KCTD21: variants seen among roughly 807,000 people sequenced by gnomAD.
KCTD21 encodes the protein potassium channel tetramerization domain containing 21, also known as BTB/POZ domain-containing protein KCTD21.
KCTD21 carries 9 observed loss-of-function variants against 13.2 expected under a neutral mutation model. The ratio of observed to expected loss-of-function variants is 0.68; its 90% CI spans 0.41 to 1.19. The LOEUF (loss-of-function observed/expected upper bound fraction) is 1.19, where lower values mean the gene tolerates loss of function less well. Ranked by LOEUF, KCTD21 falls within the 50% of genes most tolerant of loss-of-function variation. The probability of loss-of-function intolerance (pLI) is 0.01; values close to 1 mark genes in which losing one functional copy is unlikely to be tolerated. For synonymous variants in KCTD21, 142 were observed against 137.4 expected (o/e 1.03, Z -0.23); for missense variants, 303 against 336.5 (o/e 0.90, Z 0.78).
rs1590872591 is a variant in KCTD21, at chr11:78,174,277, A to G, written c.278T>C (p.Ile93Thr). 1.2e-6 allele frequency: 2 copies of G among 1,613,922 alleles called. No individual in the cohort carries two copies. Among genetic ancestry groups the G allele is most frequent in the African/African-American group, 1.3e-5 (1 of 74,906 alleles). The change falls in exon 2 of 2, where the codon ATT becomes ACT. Residue 93 changes from isoleucine to threonine, a missense_variant. Ile to Thr is a moderately conservative substitution (Grantham distance 89, BLOSUM62 -1). Coordinates refer to ENST00000340067, the MANE Select transcript of KCTD21 (RefSeq NM_001029859.3). ...EADFYQVQPL[I>T]EALQEKEVEL... Reference sequence around the variant, plus strand: ...CACTTCCTTCTCCTGCAGGGCCTCAATCAGGGGCTGCACCTGGTAGAAGTC... The same window carrying G: ...CACTTCCTTCTCCTGCAGGGCCTCAGTCAGGGGCTGCACCTGGTAGAAGTC...
intron 1 of KCTD21, among the ~76,000 whole-genome samples, chr11:78,185,120 G>A (rs143804965): frequency 2.5e-4 from 38 of 152,208 alleles, no homozygotes; most frequent in East Asian, 9.6e-4. Flanking sequence ...GTAGTAGAAC[G>A]CCCTTATTAG....
chr11:78,188,033 C>T (rs1862848959), intron 1 of KCTD21: 14 of 985,314 alleles, frequency 1.4e-5, no homozygotes, highest in Non-Finnish European at 1.2e-5. Flanking sequence ...TCTTTATTTC[C>T]AGTCAGTAAA....
chr11:78,174,128 C>T lies in KCTD21; in HGVS notation c.427G>A (p.Val143Ile). The change falls in exon 2 of 2, where the codon GTC (valine) becomes ATC (isoleucine). Residue 143 changes from valine (V) to isoleucine (I), a missense_variant. By Grantham distance (29) the Val-to-Ile change is conservative. Coordinates refer to ENST00000340067, the MANE Select transcript of KCTD21 (RefSeq NM_001029859.3). ...IYSLSSSSME[V>I]FNANIFSTSC... The stretch of plus-strand genomic sequence containing the variant: ...GTGCTGAAGATGTTGGCGTTGAAGA[C>T]CTCCATGCTGGAAGAGGAGAGGCTG... 1 of 1,614,154 alleles carries T rather than the reference C, an allele frequency of 6.2e-7. No individual in the cohort carries two copies. The highest frequency in any genetic ancestry group is 2.2e-5 in the East Asian group (1 of 44,878).
At position 78,181,551 on chromosome 11, in the gene KCTD21, T is replaced by C. The variant is rs545972110; in HGVS notation, c.-29-6968A>G. 1.4e-4 allele frequency among the ~76,000 whole-genome samples: 22 copies of C among 152,324 alleles called. No individual in the cohort carries two copies. In the South Asian group the frequency reaches 3.5e-3, roughly 24 times the overall value. ...AAACACAAGGCATATTTTGGAGTGA[T>C]GGGAATATTCTATTAGGTTGGCACA... On this transcript the variant is annotated intron_variant, in intron 1 of 1. Coordinates refer to ENST00000340067, the MANE Select transcript of KCTD21 (RefSeq NM_001029859.3).
At chr11:78,186,560 A>G in intron 1 of KCTD21, 1 of 366,516 alleles carries the variant, frequency 2.7e-6, no homozygotes, top group Non-Finnish European at 3.8e-6. Flanking sequence ...AACAACAACA[A>G]ACACTACAAC....
intron 1 of KCTD21, among the ~76,000 whole-genome samples, chr11:78,180,958 TCTC>T (rs774219386): frequency 6.6e-6 from 1 of 152,122 alleles, no homozygotes; most frequent in Non-Finnish European, 1.5e-5. Context: ...GCTTGGCACT[TCTC>T]CTTGCTGCTG....
intron 1 of KCTD21, among the ~76,000 whole-genome samples, chr11:78,186,104 C>A (rs1441798692): frequency 6.6e-6 from 1 of 151,648 alleles, no homozygotes. Flanking sequence ...AGGCCAGGCT[C>A]AGTGGCTCAT....
chr11:78,179,779 G>C (rs1241386434), intron 1 of KCTD21, among the ~76,000 whole-genome samples: 1 of 151,798 alleles, frequency 6.6e-6, no homozygotes, highest in African/African-American at 2.4e-5. Flanking sequence ...GACCACCCCT[G>C]TCTACCTTCT....
intron 1 of KCTD21, chr11:78,186,549 T>C (rs1468180383): frequency 3.2e-6 from 1 of 316,042 alleles, no homozygotes; most frequent in Non-Finnish European, 4.6e-6. Flanking sequence ...ATGATGATCA[T>C]AACAACAACA....
chr11:78,185,652 C>T (rs776938371), intron 1 of KCTD21, among the ~76,000 whole-genome samples: 4 of 151,942 alleles, frequency 2.6e-5, no homozygotes, highest in East Asian at 1.9e-4. Flanking sequence ...AGTGCAGTGG[C>T]GTGATCCTGG....
chr11:78,180,837 G>T (rs1462509756), intron 1 of KCTD21, among the ~76,000 whole-genome samples: 1 of 152,198 alleles, frequency 6.6e-6, no homozygotes, highest in Non-Finnish European at 1.5e-5. Flanking sequence ...CATGTGTCAA[G>T]GGCAGGACTA....
Position 78,179,785 on chromosome 11 carries a change from C to T in KCTD21, c.-29-5202G>A, listed in dbSNP as rs977843225. 6.6e-5 allele frequency among the ~76,000 whole-genome samples: 10 copies of T among 152,280 alleles called. No individual in the cohort carries two copies. The East Asian group carries it at 1.5e-3, about 24-fold the overall frequency. On this transcript the variant is annotated intron_variant, in intron 1 of 1. Coordinates refer to ENST00000340067, the MANE Select transcript of KCTD21 (RefSeq NM_001029859.3). Reference sequence around the variant, plus strand: ...CTGTCCCTAGACCACCCCTGTCTACCTTCTCTACCCTCTCTGCTGTCTACC... The same window carrying T: ...CTGTCCCTAGACCACCCCTGTCTACTTTCTCTACCCTCTCTGCTGTCTACC...
rs11344762 is a variant in KCTD21, at chr11:78,182,297, ACC to A, written c.-30+6274_-30+6275del. Among the ~76,000 whole-genome samples, 162 of 130,448 alleles carry A rather than the reference ACC, an allele frequency of 1.2e-3. 1 individual carries two copies. Among genetic ancestry groups the A allele is most frequent in the Middle Eastern group, 0.012 (3 of 254 alleles). 85.6% of individuals were successfully genotyped at this position (130,448 alleles called of 152,430 possible). On this transcript the variant is annotated intron_variant, in intron 1 of 1. Transcript: ENST00000340067. ...ACAGAGCCAGGCCTTATCCCAAAGC[ACC>A]CCCCCCCCCTCAAAATTAATTATAG...
chr11:78,186,152 G>A (rs2137008151), intron 1 of KCTD21, among the ~76,000 whole-genome samples: 1 of 151,464 alleles, frequency 6.6e-6, no homozygotes, highest in African/African-American at 2.4e-5. Flanking sequence ...CAGGTGGGAG[G>A]ATCGCTTGAG....
At chr11:78,187,302 G>A in intron 1 of KCTD21, 1 of 985,266 alleles carries the variant, frequency 1.0e-6, no homozygotes, top group Non-Finnish European at 1.2e-6. Context: ...AAAGAGCTGC[G>A]TCTATAATTC....
At chr11:78,180,797 C>CTT (rs781664921) in intron 1 of KCTD21, among the ~76,000 whole-genome samples, 59 of 152,218 alleles carry the variant, frequency 3.9e-4, no homozygotes, top group South Asian at 1.2e-3. Context: ...GTGTCCCCAC[C>CTT]CAAATCTCAC....
intron 1 of KCTD21, among the ~76,000 whole-genome samples, chr11:78,175,840 G>A (rs919144923): frequency 4.0e-5 from 6 of 151,872 alleles, no homozygotes; most frequent in African/African-American, 9.7e-5. Context: ...CCATTAACTC[G>A]TCATTTAGCA....
chr11:78,184,385 G>A (rs1590883618), intron 1 of KCTD21, among the ~76,000 whole-genome samples: 1 of 152,288 alleles, frequency 6.6e-6, no homozygotes, highest in African/African-American at 2.4e-5. Flanking sequence ...TGCCCAGGCT[G>A]GAGTGCAGTG....
chr11:78,174,237 G>C lies in KCTD21; in HGVS notation c.318C>G (p.Ala106=). The C allele has an allele frequency of 5.0e-6, 8 of 1,613,996 alleles. No homozygotes were observed. The highest frequency in any genetic ancestry group is 1.3e-5 in the African/African-American group (1 of 74,998). Residue 106 remains alanine (A), a synonymous_variant, in exon 2 of 2, where the codon GCC becomes GCG. Transcript: ENST00000340067. ...LQEKEVELSK[A]EKNAMLNITL... ...TGATGTTGAGCATGGCATTCTTCTC[G>C]GCCTTGGAGAGCTCCACTTCCTTCT...
Sources: gnomAD v4.1 joint callset for allele counts (sites outside exome capture counted in the v4.1 genomes callset) on GRCh38, gnomAD v4.1.1 for gene constraint, MANE v1.5 for transcripts, NCBI Gene and HGNC (gene_info 2026-07-23, HGNC 2026-07-21) for gene names.